The following TENM1 variants were observed in gnomAD, a reference collection of about 807,000 sequenced individuals.
The protein encoded by TENM1 is teneurin transmembrane protein 1, also known as teneurin-1.
Under a neutral mutation model 174.8 loss-of-function variants are expected in TENM1, and 35 were observed. The ratio of observed to expected loss-of-function variants is 0.20; its 90% CI spans 0.15 to 0.27. The LOEUF is 0.27. TENM1 is among the 10% of genes least tolerant of loss of function. The probability of loss-of-function intolerance (pLI) is 1.00; values close to 1 mark genes in which losing one functional copy is unlikely to be tolerated. For missense variants in TENM1, 1,633 were observed against 2,130.1 expected, an observed-to-expected ratio of 0.77 and a Z score of 4.59; for synonymous variants, 781 against 798.7, an observed-to-expected ratio of 0.98 and a Z score of 0.37.
At chrX:124,515,866 C>T (rs1400713705) in intron 18 of TENM1, among the ~76,000 whole-genome samples, 1 of 109,188 alleles carries the variant, frequency 9.2e-6, no homozygotes, top group Non-Finnish European at 1.9e-5. Flanking sequence ...TCATATGGAA[C>T]CCCCCAAAAA....
the TENM1 span, among the ~76,000 whole-genome samples, chrX:125,181,417 G>A: frequency 2.7e-5 from 3 of 110,956 alleles, no homozygotes; most frequent in Non-Finnish European, 5.7e-5. Flanking sequence ...AATCATTCTG[G>A]GTTGCAAACA....
chrX:125,105,730 A>G, the TENM1 span, among the ~76,000 whole-genome samples: 3 of 111,483 alleles, frequency 2.7e-5, no homozygotes, highest in Non-Finnish European at 5.6e-5. Flanking sequence ...ATCACTGGGG[A>G]GCTAATCACT....
chrX:124,454,341 A>C (rs772955117), intron 22 of TENM1, among the ~76,000 whole-genome samples: 1 of 109,513 alleles, frequency 9.1e-6, no homozygotes, highest in South Asian at 4.0e-4. Context: ...CTCAGTTTTA[A>C]AACTAGGACC....
intron 3 of TENM1, among the ~76,000 whole-genome samples, chrX:124,786,814 C>T (rs984612227): frequency 9.0e-6 from 1 of 111,245 alleles, no homozygotes; most frequent in African/African-American, 3.3e-5. Flanking sequence ...CCTTCCTATC[C>T]ATGATAAGGC....
chrX:124,610,223 C>G (rs1425882921), intron 11 of TENM1, among the ~76,000 whole-genome samples: 3 of 111,943 alleles, frequency 2.7e-5, no homozygotes, highest in African/African-American at 9.7e-5. Flanking sequence ...CTTTGAACCC[C>G]TTCAGAAAGC....
rs200243338 is a variant in TENM1 at position 124,520,691 on chromosome X, G to T, written c.3127C>A (p.Leu1043Ile). Residue 1043 changes from leucine (L) to isoleucine (I), a missense_variant, in exon 18 of 32, where the codon CTT becomes ATT. Around this residue, in one of 4 missense-constraint regions of TENM1, gnomAD observed 449 missense variants for 636.2 expected, o/e 0.71. Coordinates refer to ENST00000422452, the Ensembl canonical transcript of TENM1. ...ACAGGAATCGTTGAATGTGTCAGAAGGATCCGTAGCAGGGTTTTATACCCA... is the reference window on the plus strand; with the variant it reads ...ACAGGAATCGTTGAATGTGTCAGAATGATCCGTAGCAGGGTTTTATACCCA... 3 of 1,207,735 alleles carry T rather than the reference G, an allele frequency of 2.5e-6. No homozygotes were observed. The East Asian group carries it at 8.9e-5, about 36-fold the overall frequency.
intron 3 of TENM1, among the ~76,000 whole-genome samples, chrX:124,855,034 A>G (rs1025964652): frequency 1.8e-5 from 2 of 111,749 alleles, no homozygotes; most frequent in African/African-American, 6.5e-5. Flanking sequence ...AAAATCATTT[A>G]TTCAAGTCCA....
rs149958929 is a variant in TENM1 at position 124,811,892 on chromosome X, T to G, written c.536-74695A>C. On this transcript the variant is annotated intron_variant, in intron 3 of 31. Transcript: ENST00000422452. ...TGGATGAGCCTGCAGGACATTATGT[T>G]AAACGAAATGTGTGGAATCTAAAAA... Among the ~76,000 whole-genome samples the G allele has an allele frequency of 9.9e-4, 110 of 111,475 alleles. 1 individual carries two copies. Among genetic ancestry groups the G allele is most frequent in the African/African-American group, 3.4e-3 (106 of 30,797 alleles).
At chrX:125,023,128 A>T in the TENM1 span, among the ~76,000 whole-genome samples, 8 of 110,903 alleles carry the variant, frequency 7.2e-5, no homozygotes, top group Non-Finnish European at 9.4e-5. Context: ...CCCAAATCTC[A>T]TCTTAATTTA....
At chrX:124,876,086 C>G (rs2057195473) in intron 3 of TENM1, among the ~76,000 whole-genome samples, 1 of 109,920 alleles carries the variant, frequency 9.1e-6, no homozygotes. Context: ...TTACCACTTA[C>G]CAGCCAAATC....
At chrX:124,461,450 C>T (rs992022594) in intron 22 of TENM1, among the ~76,000 whole-genome samples, 3 of 111,649 alleles carry the variant, frequency 2.7e-5, no homozygotes, top group Admixed American at 9.5e-5. Context: ...TCTGCACTCC[C>T]GTGTTTATTG....
intron 21 of TENM1, among the ~76,000 whole-genome samples, chrX:124,484,265 T>C: frequency 8.9e-6 from 1 of 111,816 alleles, no homozygotes; most frequent in Non-Finnish European, 1.9e-5. Flanking sequence ...CAACATGATG[T>C]ACACTAATGG....
chrX:124,837,680 C>A (rs774556224), intron 3 of TENM1, among the ~76,000 whole-genome samples: 2 of 111,578 alleles, frequency 1.8e-5, no homozygotes, highest in African/African-American at 3.3e-5. Context: ...GCCTCCTCCA[C>A]ATCTAAAATG....
intron 4 of TENM1, among the ~76,000 whole-genome samples, chrX:124,710,597 CAGT>C (rs2053023832): frequency 8.9e-6 from 1 of 111,899 alleles, no homozygotes; most frequent in African/African-American, 3.2e-5. Flanking sequence ...TTTCCAAATG[CAGT>C]TTCATAAGTA....
the TENM1 span, among the ~76,000 whole-genome samples, chrX:125,155,595 C>T: frequency 2.7e-5 from 3 of 112,144 alleles, no homozygotes; most frequent in Non-Finnish European, 5.7e-5. Context: ...TCAGGCATGG[C>T]GGGCTGCAGG....
intron 14 of TENM1, among the ~76,000 whole-genome samples, chrX:124,559,928 T>C (rs1290854259): frequency 1.8e-5 from 2 of 110,713 alleles, no homozygotes; most frequent in Admixed American, 1.9e-4. Context: ...ATGTCAGAAG[T>C]TTCATGGGAG....
At chrX:124,890,514 G>A (rs146487638) in intron 3 of TENM1, among the ~76,000 whole-genome samples, 1 of 112,128 alleles carries the variant, frequency 8.9e-6, no homozygotes, top group Non-Finnish European at 1.9e-5. Context: ...ATTTTAAAAT[G>A]GGCAAAAGAA....
At chrX:124,587,191 T>C (rs1272100219) in intron 11 of TENM1, among the ~76,000 whole-genome samples, 8 of 110,172 alleles carry the variant, frequency 7.3e-5, no homozygotes, top group African/African-American at 2.7e-4. Context: ...AAAACTACTT[T>C]AAAGTTCATA....
intron 19 of TENM1, among the ~76,000 whole-genome samples, chrX:124,500,865 CA>C (rs1216785898): frequency 9.0e-6 from 1 of 111,626 alleles, no homozygotes; most frequent in African/African-American, 3.3e-5. Context: ...CAAAGAGACA[CA>C]ACACATATTT....
Sources: allele counts gnomAD v4.1 joint callset (sites outside exome capture counted in the v4.1 genomes callset), GRCh38; gene constraint gnomAD v4.1.1; regional missense constraint gnomAD v4.1.1; transcripts MANE v1.5; gene names NCBI Gene and HGNC (gene_info 2026-07-23, HGNC 2026-07-21).